MAPK10: variants seen among roughly 807,000 people sequenced by gnomAD.
MAPK10 encodes the protein JNK3 alpha protein kinase.
Under a neutral mutation model 59.3 loss-of-function variants are expected in MAPK10, and 25 were observed. The ratio of observed to expected loss-of-function variants is 0.42; its 90% CI spans 0.31 to 0.59. MAPK10 has a LOEUF of 0.59. Ranked by LOEUF, MAPK10 falls within the 20% of genes least tolerant of loss-of-function variation. The probability of loss-of-function intolerance (pLI) is 0.15; values close to 1 mark genes in which losing one functional copy is unlikely to be tolerated. For synonymous variants in MAPK10, 190 were observed against 200.5 expected, an observed-to-expected ratio of 0.95 and a Z score of 0.44; for missense variants, 351 against 568.9, an observed-to-expected ratio of 0.62 and a Z score of 3.90.
Position 86,144,180 on chromosome 4 carries a change from A to C in MAPK10, c.236+15118T>G, listed in dbSNP as rs925477842. 3.9e-5 allele frequency among the ~76,000 whole-genome samples: 6 copies of C among 152,184 alleles called. No homozygotes were observed. The South Asian group carries it at 1.2e-3, about 31-fold the overall frequency. On this transcript the variant is annotated intron_variant, in intron 4 of 13. Coordinates refer to ENST00000641462, the MANE Select transcript of MAPK10 (RefSeq NM_138982.4). ...GCACATGCACTTATAAATTGATTTAAGTAAAACATTAAAAGATCTTGTGTT... is the reference window on the plus strand; with the variant it reads ...GCACATGCACTTATAAATTGATTTACGTAAAACATTAAAAGATCTTGTGTT...
intron 2 of MAPK10, among the ~76,000 whole-genome samples, chr4:86,340,899 C>T (rs1724517051): frequency 1.3e-5 from 2 of 152,180 alleles, no homozygotes; most frequent in South Asian, 4.1e-4. Context: ...TCCACCTCTA[C>T]TAGCAGGCAT....
At chr4:86,487,299 G>C (rs1006167933) in intron 1 of MAPK10, among the ~76,000 whole-genome samples, 1 of 151,698 alleles carries the variant, frequency 6.6e-6, no homozygotes, top group Non-Finnish European at 1.5e-5. Flanking sequence ...CACAATAAAG[G>C]ACTAAGAGGT....
intron 1 of MAPK10, among the ~76,000 whole-genome samples, chr4:86,359,286 C>CTGTGTGTGTGTGTG (rs1260423766): frequency 4.2e-5 from 5 of 118,062 alleles, no homozygotes; most frequent in African/African-American, 1.9e-4. Context: ...CTCTCTCTCT[C>CTGTGTGTGTGTGTG]TCTGTGTGTG....
chr4:86,095,766 T>C (rs1294802732), intron 9 of MAPK10: 1 of 151,868 alleles, frequency 6.6e-6, no homozygotes, highest in African/African-American at 2.4e-5. Context: ...AAAACAATTC[T>C]ACTCAAAATT....
At chr4:86,317,431 T>G (rs1433529286) in intron 2 of MAPK10, among the ~76,000 whole-genome samples, 2 of 152,190 alleles carry the variant, frequency 1.3e-5, no homozygotes, top group African/African-American at 4.8e-5. Flanking sequence ...AAGATTTCTT[T>G]GAAGCTCACA....
At chr4:86,335,688 A>C (rs1260963858) in intron 2 of MAPK10, among the ~76,000 whole-genome samples, 2 of 152,172 alleles carry the variant, frequency 1.3e-5, no homozygotes. Context: ...TAATGGACTT[A>C]CAGTTCCACA....
At chr4:86,169,277 G>A (rs1176067598) in intron 3 of MAPK10, among the ~76,000 whole-genome samples, 1 of 152,094 alleles carries the variant, frequency 6.6e-6, no homozygotes. Flanking sequence ...AGCTACAGGA[G>A]GAAATTCAAA....
At chr4:86,135,021 G>C (rs1018132717) in intron 4 of MAPK10, among the ~76,000 whole-genome samples, 3 of 152,226 alleles carry the variant, frequency 2.0e-5, no homozygotes, top group Admixed American at 1.3e-4. Flanking sequence ...CCCGCACGTG[G>C]CTCGGAGGGT....
At chr4:86,284,596 G>C (rs556531208) in intron 2 of MAPK10, among the ~76,000 whole-genome samples, 8 of 152,258 alleles carry the variant, frequency 5.3e-5, no homozygotes, top group Non-Finnish European at 7.4e-5. Context: ...CGGCCTCATA[G>C]GTTATTATGT....
Position 86,301,591 on chromosome 4 carries a change from C to T in MAPK10, c.-7+52939G>A, listed in dbSNP as rs755305888. On this transcript the variant is annotated intron_variant, in intron 2 of 13. Coordinates refer to ENST00000641462, the MANE Select transcript of MAPK10 (RefSeq NM_138982.4). ...AATAGACTTCTTCCAGGAAATTTGA[C>T]GGGCTTAAATACCAGAAACTCCTTG... is the stretch of plus-strand genomic sequence containing the variant. Among the ~76,000 whole-genome samples the T allele has an allele frequency of 2.4e-4, 37 of 152,186 alleles. 1 individual carries two copies. The highest frequency in any genetic ancestry group is 6.5e-4 in the Admixed American group (10 of 15,280).
At chr4:86,236,004 T>C (rs2092185786) in intron 2 of MAPK10, among the ~76,000 whole-genome samples, 1 of 152,118 alleles carries the variant, frequency 6.6e-6, no homozygotes, top group Non-Finnish European at 1.5e-5. Flanking sequence ...AGGGAGAAGC[T>C]GTTTGCTTGC....
At chr4:86,159,103 T>C in intron 4 of MAPK10, 195 bp downstream of exon 4, 1 of 398,230 alleles carries the variant, frequency 2.5e-6, no homozygotes, top group Non-Finnish European at 4.4e-6. Context: ...ACAAGCCAAG[T>C]TGTATATATT....
At chr4:86,508,639 T>C (rs1291989903) in intron 1 of MAPK10, among the ~76,000 whole-genome samples, 2 of 152,200 alleles carry the variant, frequency 1.3e-5, no homozygotes, top group Admixed American at 6.5e-5. Context: ...GGTTAGGTTA[T>C]GTGTGTCTGT....
intron 2 of MAPK10, among the ~76,000 whole-genome samples, chr4:86,206,099 G>A (rs898785810): frequency 8.6e-5 from 13 of 151,834 alleles, no homozygotes; most frequent in African/African-American, 2.2e-4. Flanking sequence ...CAATGTGCAG[G>A]TTAGTTACAT....
chr4:86,186,001 CATG>C (rs1298038741), intron 3 of MAPK10, among the ~76,000 whole-genome samples: 1 of 151,972 alleles, frequency 6.6e-6, no homozygotes, highest in Non-Finnish European at 1.5e-5. Context: ...GTGTGATATT[CATG>C]ATAATGATAA....
chr4:86,309,797 A>G (rs1176522155), intron 2 of MAPK10, among the ~76,000 whole-genome samples: 1 of 152,214 alleles, frequency 6.6e-6, no homozygotes, highest in African/African-American at 2.4e-5. Flanking sequence ...AGTGCCCGGC[A>G]TGTAGCAAGT....
At chr4:86,062,744 A>C (rs901633862) in intron 11 of MAPK10, among the ~76,000 whole-genome samples, 12 of 152,268 alleles carry the variant, frequency 7.9e-5, no homozygotes, top group African/African-American at 2.4e-4. Flanking sequence ...TCAGAGATAA[A>C]ATTTTTATAC....
intron 11 of MAPK10, among the ~76,000 whole-genome samples, chr4:86,062,797 T>C (rs1262840281): frequency 6.6e-6 from 1 of 152,172 alleles, no homozygotes; most frequent in Non-Finnish European, 1.5e-5. Context: ...TCTCACTTAC[T>C]TCACTACTTC....
intron 1 of MAPK10, among the ~76,000 whole-genome samples, chr4:86,466,516 C>T (rs899412428): frequency 6.6e-6 from 1 of 152,132 alleles, no homozygotes; most frequent in Admixed American, 6.5e-5. Flanking sequence ...TTCTCTAGTG[C>T]CACTGGGTTA....
Sources: allele counts gnomAD v4.1 joint callset (sites outside exome capture counted in the v4.1 genomes callset), GRCh38; gene constraint gnomAD v4.1.1; transcripts MANE v1.5; gene names NCBI Gene and HGNC (gene_info 2026-07-23, HGNC 2026-07-21).